The following CCDC102B variants were observed in gnomAD, a reference collection of about 807,000 sequenced individuals.
CCDC102B encodes coiled-coil domain containing 102B.
A neutral mutation model predicts 57.4 loss-of-function variants in CCDC102B; 75 were observed. The ratio of observed to expected loss-of-function variants is 1.31; its 90% CI spans 1.08 to 1.58. The LOEUF is 1.58. Ranked by LOEUF, CCDC102B falls within the 40% of genes most tolerant of loss-of-function variation. The probability of loss-of-function intolerance (pLI) is 0.00; values close to 1 mark genes in which losing one functional copy is unlikely to be tolerated. For missense variants in CCDC102B, 636 were observed against 582.6 expected (o/e 1.09, Z -0.94); for synonymous variants, 206 against 201.9 (o/e 1.02, Z -0.17).
At chr18:68,868,090 T>G (rs971815566) in intron 4 of CCDC102B, among the ~76,000 whole-genome samples, 2 of 150,366 alleles carry the variant, frequency 1.3e-5, no homozygotes, top group African/African-American at 4.9e-5. Context: ...AAAAAAAAAC[T>G]TCTTAATTTC....
intron 6 of CCDC102B, among the ~76,000 whole-genome samples, chr18:69,004,616 C>T (rs2051290900): frequency 6.6e-6 from 1 of 152,028 alleles, no homozygotes; most frequent in Admixed American, 6.6e-5. Flanking sequence ...TTTCTTCCAC[C>T]CCTCATTAAT....
At chr18:68,997,127 G>T (rs2051050062) in intron 6 of CCDC102B, among the ~76,000 whole-genome samples, 5 of 152,040 alleles carry the variant, frequency 3.3e-5, no homozygotes. Context: ...CTTCCACTGT[G>T]ATTGTAAGTT....
intron 6 of CCDC102B, among the ~76,000 whole-genome samples, chr18:68,912,549 G>A (rs547573189): frequency 6.6e-6 from 1 of 152,278 alleles, no homozygotes; most frequent in South Asian, 2.1e-4. Flanking sequence ...TTAGAATCTA[G>A]CCTTTATATT....
Position 68,949,287 on chromosome 18 carries a change from G to A in CCDC102B, c.1263+51859G>A, listed in dbSNP as rs1018889532. On this transcript the variant is annotated intron_variant, in intron 6 of 7. Coordinates refer to ENST00000360242, the MANE Select transcript of CCDC102B (RefSeq NM_024781.3). The stretch of plus-strand genomic sequence containing the variant: ...TTGACACTCAATATTAACCATCACA[G>A]CTGGTGAAAGTTAAAATAAGTTATA... Among the ~76,000 whole-genome samples the A allele has an allele frequency of 5.9e-5, 9 of 152,060 alleles. No individual in the cohort carries two copies. In the East Asian group the frequency reaches 1.5e-3, roughly 26 times the overall value.
intron 4 of CCDC102B, among the ~76,000 whole-genome samples, chr18:68,863,178 T>TTA (rs60979864): frequency 0.29 from 42,841 of 149,882 alleles, 6,464 homozygotes; most frequent in Non-Finnish European, 0.34. Context: ...TAAGGTGTGT[T>TTA]TATATATATA....
At chr18:68,742,494 A>C (rs990303610) in intron 2 of CCDC102B, among the ~76,000 whole-genome samples, 1 of 152,230 alleles carries the variant, frequency 6.6e-6, no homozygotes, top group Non-Finnish European at 1.5e-5. Context: ...ACAACTGACT[A>C]TTAAATGTTA....
intron 2 of CCDC102B, among the ~76,000 whole-genome samples, chr18:68,775,399 ATACATT>A (rs1368183124): frequency 6.6e-6 from 1 of 152,110 alleles, no homozygotes. Context: ...GATAAGATCT[ATACATT>A]GTGTTTGCTT....
At chr18:69,010,443 C>T (rs2082720622) in intron 6 of CCDC102B, among the ~76,000 whole-genome samples, 1 of 151,676 alleles carries the variant, frequency 6.6e-6, no homozygotes, top group African/African-American at 2.4e-5. Flanking sequence ...ATGATGGGTC[C>T]TTGCTGCAGG....
chr18:68,882,879 A>C (rs1261733545), intron 5 of CCDC102B, among the ~76,000 whole-genome samples: 1 of 152,208 alleles, frequency 6.6e-6, no homozygotes, highest in African/African-American at 2.4e-5. Context: ...TAGCAAACTA[A>C]TAAAGGAACA....
intron 2 of CCDC102B, among the ~76,000 whole-genome samples, chr18:68,779,068 T>C (rs2034919940): frequency 6.6e-6 from 1 of 152,100 alleles, no homozygotes; most frequent in African/African-American, 2.4e-5. Flanking sequence ...TCCAGAGAAC[T>C]GGACAGCCAT....
intron 7 of CCDC102B, among the ~76,000 whole-genome samples, chr18:69,029,584 G>A (rs1356952178): frequency 2.0e-5 from 3 of 152,090 alleles, no homozygotes; most frequent in Non-Finnish European, 4.4e-5. Flanking sequence ...TACTCCACTG[G>A]GAAAACATTC....
At position 68,743,245 on chromosome 18, in the gene CCDC102B, AAATAAAT is replaced by A. The variant is rs1301209998; in HGVS notation, c.-67+26654_-67+26660del. ...TAAATAAATAAATAAATAAATAAAT[AAATAAAT>A]AAAAAATTAGACAGGTGTGGGGGCA... On this transcript the variant is annotated intron_variant, in intron 2 of 3. Transcript: ENST00000578970. 1.7e-4 allele frequency among the ~76,000 whole-genome samples: 25 copies of A among 150,934 alleles called. No homozygotes were observed. In the South Asian group the frequency reaches 1.9e-3, roughly 11 times the overall value.
intron 2 of CCDC102B, among the ~76,000 whole-genome samples, chr18:68,741,764 C>T (rs970543036): frequency 2.6e-5 from 4 of 151,628 alleles, no homozygotes; most frequent in Non-Finnish European, 2.9e-5. Flanking sequence ...GGCTTTCTTG[C>T]GAGAACAGGG....
At position 68,908,581 on chromosome 18, in the gene CCDC102B, A is replaced by C. The variant is rs374804870; in HGVS notation, c.1263+11153A>C. Reference sequence around the variant, plus strand: ...TGCATTCTGTTTACTTTCACCATTAATAAAAATGATTTTAACCCAAATGTT... The same window carrying C: ...TGCATTCTGTTTACTTTCACCATTACTAAAAATGATTTTAACCCAAATGTT... On this transcript the variant is annotated intron_variant, in intron 6 of 7. Transcript: ENST00000360242. 1.3e-4 allele frequency: 20 copies of C among 152,286 alleles called. No homozygotes were observed. The South Asian group carries it at 2.9e-3, about 22-fold the overall frequency. The allele number at this position is 152,286 out of a possible 1,614,324, so 9.4% of individuals were successfully genotyped here.
chr18:69,005,950 CA>C (rs751001738), intron 6 of CCDC102B, among the ~76,000 whole-genome samples: 4 of 151,876 alleles, frequency 2.6e-5, no homozygotes, highest in African/African-American at 4.8e-5. Flanking sequence ...TACATGCTGA[CA>C]AATAATCTTT....
Position 68,838,834 on chromosome 18 carries a change from A to C in CCDC102B, c.735A>C (p.Ala245=). The change falls in exon 3 of 8, where the codon GCA becomes GCC. Residue 245 remains alanine, a synonymous_variant. Transcript: ENST00000360242. ...CGAAAACTGGGCTGAGACTGAAAGC[A>C]ATAAATCTGCCTTTGGAAAATGAAG... The part of the protein sequence containing the change: ...GETKTGLRLK[A]INLPLENEVT... 6.2e-7 allele frequency: 1 copy of C among 1,614,052 alleles called. No individual in the cohort carries two copies. The highest frequency in any genetic ancestry group is 1.7e-5 in the Admixed American group (1 of 60,020).
chr18:68,931,491 G>A (rs2041671781), intron 6 of CCDC102B, among the ~76,000 whole-genome samples: 1 of 151,520 alleles, frequency 6.6e-6, no homozygotes, highest in Non-Finnish European at 1.5e-5. Context: ...AGATTTTTTC[G>A]GTTGGGGGGT....
At chr18:69,045,989 TC>T (rs1409142225) in intron 7 of CCDC102B, among the ~76,000 whole-genome samples, 13 of 152,166 alleles carry the variant, frequency 8.5e-5, no homozygotes, top group African/African-American at 3.1e-4. Flanking sequence ...TACCACATTT[TC>T]TTTAGTCTAC....
rs1165866365 is a variant in CCDC102B, at chr18:68,963,461, C to A, written c.1264-47473C>A. ...AAGGCAAATATATCCTATATCTATTCTATAAGTGATTGCTTTAAATTTAAC... is the reference window on the plus strand; with the variant it reads ...AAGGCAAATATATCCTATATCTATTATATAAGTGATTGCTTTAAATTTAAC... On this transcript the variant is annotated intron_variant, in intron 6 of 7. Transcript: ENST00000360242. Among the ~76,000 whole-genome samples the A allele has an allele frequency of 2.0e-5, 3 of 151,788 alleles. No homozygotes were observed. In the East Asian group the frequency reaches 5.8e-4, roughly 29 times the overall value.
Sources: gnomAD v4.1 joint callset for allele counts (sites outside exome capture counted in the v4.1 genomes callset) on GRCh38, gnomAD v4.1.1 for gene constraint, MANE v1.5 for transcripts, NCBI Gene and HGNC (gene_info 2026-07-23, HGNC 2026-07-21) for gene names.